Variants in MCF2L2 observed in about 807,000 individuals in gnomAD.
MCF2L2 encodes the protein probable guanine nucleotide exchange factor MCF2L2.
MCF2L2 carries 102 observed loss-of-function variants against 150.2 expected under a neutral mutation model. The observed-to-expected ratio is 0.68, with a 90% confidence interval of 0.58 to 0.80. MCF2L2 has a LOEUF of 0.80. MCF2L2 is among the 30% of genes least tolerant of loss of function. MCF2L2 has a pLI of 0.00. For synonymous variants in MCF2L2, 465 were observed against 491.3 expected (o/e 0.95, Z 0.71); for missense variants, 1,256 against 1,372.8 (o/e 0.91, Z 1.34).
chr3:183,273,324 T>A (rs1726946683), intron 15 of MCF2L2: 2 of 267,802 alleles, frequency 7.5e-6, no homozygotes, highest in Non-Finnish European at 1.5e-5. Context: ...TGCTCTTGTA[T>A]GGCAAAATAA....
intron 1 of MCF2L2, among the ~76,000 whole-genome samples, chr3:183,402,846 C>T (rs551126017): frequency 1.3e-5 from 2 of 150,210 alleles, no homozygotes; most frequent in African/African-American, 2.5e-5. Flanking sequence ...AACTGAGTCT[C>T]GCCTCATATC....
chr3:183,287,134 G>A lies in MCF2L2; in HGVS notation c.1776+1986C>T, dbSNP rs537384635. Among the ~76,000 whole-genome samples the A allele has an allele frequency of 8.6e-5, 13 of 151,788 alleles. No homozygotes were observed. In the South Asian group the frequency reaches 1.5e-3, roughly 17 times the overall value. On this transcript the variant is annotated intron_variant, in intron 14 of 29. Transcript: ENST00000328913. ...ACAGGCCTCTGATTCTATCCCCACC[G>A]CTGCTCCTACACTGTCTATGTTTCT... is the stretch of plus-strand genomic sequence containing the variant.
chr3:183,191,846 T>A lies in MCF2L2; in HGVS notation c.3016+1153A>T, dbSNP rs566123257. 4.7e-4 allele frequency among the ~76,000 whole-genome samples: 72 copies of A among 152,158 alleles called. 1 individual carries two copies. The highest frequency in any genetic ancestry group is 1.5e-3 in the African/African-American group (64 of 41,534). On this transcript the variant is annotated intron_variant, in intron 27 of 29. Coordinates refer to ENST00000328913, the MANE Select transcript of MCF2L2 (RefSeq NM_015078.4). ...TGTTTGTTTATTTATTTATTTATTT[T>A]ATTTATTTTTTTGAGACAGAGTCTC... is the stretch of plus-strand genomic sequence containing the variant.
chr3:183,393,896 TCTGA>T (rs1714303804), intron 1 of MCF2L2, among the ~76,000 whole-genome samples: 1 of 152,196 alleles, frequency 6.6e-6, no homozygotes, highest in Non-Finnish European at 1.5e-5. Context: ...CTCAACACTG[TCTGA>T]CTGCTGCAAC....
chr3:183,265,731 T>C (rs1303836822), intron 15 of MCF2L2, among the ~76,000 whole-genome samples: 1 of 152,236 alleles, frequency 6.6e-6, no homozygotes, highest in Non-Finnish European at 1.5e-5. Context: ...GGAGTTTTAC[T>C]TTTCCTAAAT....
intron 1 of MCF2L2, among the ~76,000 whole-genome samples, chr3:183,413,669 C>A (rs1297319177): frequency 6.6e-6 from 1 of 152,228 alleles, no homozygotes; most frequent in Non-Finnish European, 1.5e-5. Flanking sequence ...CTGTAAAGCC[C>A]TGCAGTAGTC....
chr3:183,179,216 G>A lies in MCF2L2; in HGVS notation c.*164C>T, dbSNP rs1385757242. The A allele has an allele frequency of 4.1e-6, 4 of 977,870 alleles. No homozygotes were observed. Among genetic ancestry groups the A allele is most frequent in the African/African-American group, 3.4e-5 (2 of 58,216 alleles). The allele number at this position is 977,870 out of a possible 1,614,324, so 60.6% of individuals were successfully genotyped here. On this transcript the variant is annotated 3_prime_UTR_variant, in exon 30 of 30. Coordinates refer to ENST00000328913, the MANE Select transcript of MCF2L2 (RefSeq NM_015078.4). This position sits in a 1 kb window ranked among gnomAD's most constrained non-coding sequence, Gnocchi z 4.2. ...CGTGCGGAGCTAGGCGCGCACCCAG[G>A]ACACCCCTCGGGCTCCTCGGAGGAG...
At chr3:183,223,247 A>G in intron 20 of MCF2L2, 99 bp downstream of exon 20, 1 of 851,136 alleles carries the variant, frequency 1.2e-6, no homozygotes, top group South Asian at 1.5e-5. Context: ...CTTCAGCCTT[A>G]GAAGACCAAG....
intron 5 of MCF2L2, among the ~76,000 whole-genome samples, chr3:183,329,013 A>T (rs1474440351): frequency 2.0e-5 from 3 of 152,328 alleles, no homozygotes; most frequent in African/African-American, 7.2e-5. Context: ...CTAATTAAAA[A>T]AATACCCTCG....
At chr3:183,342,644 G>C (rs865780470) in intron 3 of MCF2L2, among the ~76,000 whole-genome samples, 5 of 135,636 alleles carry the variant, frequency 3.7e-5, no homozygotes, top group Non-Finnish European at 1.5e-5. Context: ...GTGTGTGTGT[G>C]TGTGTGTGTG....
intron 3 of MCF2L2, among the ~76,000 whole-genome samples, chr3:183,350,141 G>T (rs1731054382): frequency 6.6e-6 from 1 of 152,136 alleles, no homozygotes; most frequent in African/African-American, 2.4e-5. Flanking sequence ...TGGAGTGTGG[G>T]ATCTGCTGGA....
intron 21 of MCF2L2, among the ~76,000 whole-genome samples, chr3:183,218,584 A>C (rs1457915496): frequency 6.6e-6 from 1 of 152,180 alleles, no homozygotes; most frequent in Non-Finnish European, 1.5e-5. Flanking sequence ...CAGTGAGCCG[A>C]AACTGCGCCA....
At chr3:183,415,157 T>C (rs1169455514) in intron 1 of MCF2L2, among the ~76,000 whole-genome samples, 2 of 152,134 alleles carry the variant, frequency 1.3e-5, no homozygotes, top group Non-Finnish European at 2.9e-5. Flanking sequence ...CATACTGAAG[T>C]TTCCAACTAT....
intron 1 of MCF2L2, among the ~76,000 whole-genome samples, chr3:183,404,346 T>A (rs1714924519): frequency 1.3e-5 from 2 of 152,198 alleles, no homozygotes; most frequent in Admixed American, 1.3e-4. Flanking sequence ...AGGTACGGCA[T>A]CATTCCCTTA....
intron 16 of MCF2L2, 109 bp downstream of exon 16, chr3:183,230,842 C>T: frequency 1.3e-6 from 1 of 758,232 alleles, no homozygotes; most frequent in Non-Finnish European, 2.2e-6. Context: ...GACCTGAAAC[C>T]TTGGTGGGAA....
intron 1 of MCF2L2, among the ~76,000 whole-genome samples, chr3:183,396,508 T>G (rs1452253195): frequency 6.6e-6 from 1 of 152,184 alleles, no homozygotes; most frequent in South Asian, 2.1e-4. Flanking sequence ...CACAATTACA[T>G]TTTACTTAGA....
At position 183,251,631 on chromosome 3, in the gene MCF2L2, CATT is replaced by C. The variant is rs1350075903; in HGVS notation, c.1863-20617_1863-20615del. On this transcript the variant is annotated intron_variant, in intron 15 of 29. Coordinates refer to ENST00000328913, the MANE Select transcript of MCF2L2 (RefSeq NM_015078.4). ...TTCTTCATGCTGGCCAAGTCAGCAT[CATT>C]ATTATTACCTAAGTTTATTTCTAAC... 7.9e-5 allele frequency among the ~76,000 whole-genome samples: 12 copies of C among 152,134 alleles called. 1 individual carries two copies. The highest frequency in any genetic ancestry group is 6.5e-4 in the Admixed American group (10 of 15,274).
At chr3:183,391,149 A>C (rs1468599591) in intron 1 of MCF2L2, among the ~76,000 whole-genome samples, 1 of 152,050 alleles carries the variant, frequency 6.6e-6, no homozygotes, top group Admixed American at 6.6e-5. Flanking sequence ...TTTGGTGTGG[A>C]GGTTAAAGGA....
At chr3:183,198,410 G>A (rs570915694) in intron 25 of MCF2L2, among the ~76,000 whole-genome samples, 45 of 152,102 alleles carry the variant, frequency 3.0e-4, no homozygotes, top group African/African-American at 1.1e-3. Flanking sequence ...AAAGGAGATT[G>A]GTGGTCACCT....
Sources: allele counts gnomAD v4.1 joint callset (sites outside exome capture counted in the v4.1 genomes callset), GRCh38; gene constraint gnomAD v4.1.1; non-coding constraint Gnocchi (gnomAD v3.1); transcripts MANE v1.5; gene names NCBI Gene and HGNC (gene_info 2026-07-23, HGNC 2026-07-21).